Variants in TRPV4 observed in about 807,000 individuals in gnomAD.
TRPV4 encodes the protein transient receptor potential cation channel subfamily V member 4.
In TRPV4, 58 loss-of-function variants were observed where a neutral mutation model predicts 84.1. That is an observed-to-expected ratio of 0.69 (90% CI 0.56 to 0.86). TRPV4 has a LOEUF of 0.86. Ranked by LOEUF, TRPV4 falls within the 40% of genes least tolerant of loss-of-function variation. The probability of loss-of-function intolerance (pLI) is 0.00; values close to 1 mark genes in which losing one functional copy is unlikely to be tolerated. For missense variants in TRPV4, 879 were observed against 1,181.1 expected, an observed-to-expected ratio of 0.74 and a Z score of 3.75; for synonymous variants, 489 against 500.9, an observed-to-expected ratio of 0.98 and a Z score of 0.32.
intron 2 of TRPV4, among the ~76,000 whole-genome samples, chr12:109,810,381 G>T (rs559475682): frequency 7.2e-5 from 11 of 152,342 alleles, no homozygotes; most frequent in South Asian, 6.2e-4. Flanking sequence ...CTAACAAGAG[G>T]CAGCAGGGCC....
At chr12:109,827,835 T>A (rs1244966386) in intron 1 of TRPV4, among the ~76,000 whole-genome samples, 1 of 150,998 alleles carries the variant, frequency 6.6e-6, no homozygotes, top group Non-Finnish European at 1.5e-5. Context: ...TATATACACA[T>A]ATACACATAC....
chr12:109,792,424 G>A lies in TRPV4; in HGVS notation c.1830C>T (p.Leu610=), dbSNP rs1890105850. The change falls in exon 12 of 16, where the codon CTC becomes CTT. Residue 610 remains leucine, a synonymous_variant. Coordinates refer to ENST00000261740, the MANE Select transcript of TRPV4 (RefSeq NM_021625.5). ...GTYSIMIQKI[L]FKDLFRFLLV... ...GCAGGAATCGGAAAAGGTCCTTGAAGAGAATCTAAAGACCCCAGCGGGATT... is the reference window on the plus strand; with the variant it reads ...GCAGGAATCGGAAAAGGTCCTTGAAAAGAATCTAAAGACCCCAGCGGGATT... 1.9e-6 allele frequency: 3 copies of A among 1,613,946 alleles called. No homozygotes were observed. The highest frequency in any genetic ancestry group is 2.5e-6 in the Non-Finnish European group (3 of 1,179,972).
intron 2 of TRPV4, among the ~76,000 whole-genome samples, chr12:109,811,405 C>T (rs546471341): frequency 1.3e-5 from 2 of 152,326 alleles, no homozygotes; most frequent in East Asian, 3.9e-4. Flanking sequence ...CGCCTGTAAT[C>T]CCAGCATTTT....
intron 3 of TRPV4, among the ~76,000 whole-genome samples, chr12:109,806,808 C>G (rs1891165180): frequency 6.9e-6 from 1 of 144,838 alleles, no homozygotes; most frequent in Non-Finnish European, 1.5e-5. Flanking sequence ...CTGCAGGGAG[C>G]TGTGATCACA....
In TRPV4 at chr12:109,792,396, C is replaced by T. The variant is rs121912633; in HGVS notation, c.1858G>A (p.Val620Ile). ...TAGCCGATCATGAAGAGCAAGTAGA[C>T]GAGCAGGAATCGGAAAAGGTCCTTG... ...LFKDLFRFLL[V>I]YLLFMIGYAS... Residue 620 changes from valine (V) to isoleucine (I), a missense_variant, in exon 12 of 16, where the codon GTC becomes ATC. Physicochemically the swap from Val to Ile is conservative, Grantham distance 29 (BLOSUM62 3). This residue lies in a region of TRPV4 where 242 missense variants were observed against 355.3 expected (regional missense o/e 0.68). Transcript: ENST00000261740. The T allele has an allele frequency of 6.2e-7, 1 of 1,613,892 alleles. No individual in the cohort carries two copies. Among genetic ancestry groups the T allele is most frequent in the Non-Finnish European group, 8.5e-7 (1 of 1,180,012 alleles).
chr12:109,786,673 C>T lies in TRPV4; in HGVS notation c.2336+37G>A. On this transcript the variant is annotated intron_variant, in intron 14 of 15. Transcript: ENST00000261740. This position sits in a 1 kb window ranked among gnomAD's most constrained non-coding sequence, Gnocchi z 4.5. ...GGGCCCCGAGCCAGTGGGGACAGTT[C>T]CGCCCTGCCATCCTGGCCCCACTGC... is the stretch of plus-strand genomic sequence containing the variant. The T allele has an allele frequency of 6.2e-7, 1 of 1,612,444 alleles. No homozygotes were observed. The highest frequency in any genetic ancestry group is 1.1e-5 in the South Asian group (1 of 90,952).
At chr12:109,801,041 C>T (rs929485105) in intron 4 of TRPV4, among the ~76,000 whole-genome samples, 1 of 152,236 alleles carries the variant, frequency 6.6e-6, no homozygotes, top group Admixed American at 6.5e-5. Flanking sequence ...GGAGGCCAGG[C>T]GCAGGCTCAC....
chr12:109,808,614 A>ATCC, intron 2 of TRPV4, 146 bp from the exon 3 acceptor site: 2 of 708,528 alleles, frequency 2.8e-6, no homozygotes. Flanking sequence ...GGGCAGATGT[A>ATCC]AAAACTAAGT....
chr12:109,799,075 G>T (rs562428060), intron 5 of TRPV4, among the ~76,000 whole-genome samples, 163 bp from the exon 6 acceptor site: 1 of 152,276 alleles, frequency 6.6e-6, no homozygotes, highest in African/African-American at 2.4e-5. Flanking sequence ...ATGCCAGGGA[G>T]ATGGGGTGTG....
intron 2 of TRPV4, among the ~76,000 whole-genome samples, chr12:109,813,388 G>C (rs1361819722): frequency 1.3e-5 from 2 of 151,998 alleles, no homozygotes; most frequent in African/African-American, 4.8e-5. Context: ...CTCCAGCCTG[G>C]GCAACAGAGC....
chr12:109,785,605 G>T (rs1889637908), intron 14 of TRPV4, among the ~76,000 whole-genome samples: 1 of 151,894 alleles, frequency 6.6e-6, no homozygotes, highest in Admixed American at 6.5e-5. Context: ...TTTTAGTGGA[G>T]ACAGGGTTTC....
chr12:109,783,306 G>A lies in TRPV4; in HGVS notation c.*315C>T. 1 of 312,666 alleles carries A rather than the reference G, an allele frequency of 3.2e-6. No individual in the cohort carries two copies. The highest frequency in any genetic ancestry group is 7.0e-5 in the South Asian group (1 of 14,202). 19.4% of individuals were successfully genotyped at this position (312,666 alleles called of 1,614,324 possible). A position where few individuals can be genotyped will look rare whatever the true frequency, so the allele number is the denominator to read the frequency against. On this transcript the variant is annotated 3_prime_UTR_variant, in exon 16 of 16. Transcript: ENST00000261740. The surrounding 1 kb of genome is among the most constrained non-coding windows in gnomAD (Gnocchi z 4.6). ...TAAGGCCTCTGCCAGGTTCCAGCTG[G>A]GGCAGGGGTCACGTCGCTTCCTGAG... is the stretch of plus-strand genomic sequence containing the variant.
chr12:109,809,869 A>T (rs1210138612), intron 2 of TRPV4, among the ~76,000 whole-genome samples: 2 of 152,250 alleles, frequency 1.3e-5, no homozygotes, highest in Non-Finnish European at 2.9e-5. Flanking sequence ...CAAACATTTG[A>T]GACAAATGAG....
In TRPV4 at chr12:109,792,857, G is replaced by C. The variant is rs1297073285; in HGVS notation, c.1659-40C>G. 3 of 1,609,150 alleles carry C rather than the reference G, an allele frequency of 1.9e-6. No homozygotes were observed. In the East Asian group the frequency reaches 6.7e-5, roughly 36 times the overall value. On this transcript the variant is annotated intron_variant, in intron 10 of 15. Coordinates refer to ENST00000261740, the MANE Select transcript of TRPV4 (RefSeq NM_021625.5). ...AGACCACAAGAGAGGCCAGAGGGGA[G>C]AGGGGACAATGAGGCTCTGGAGGGG...
chr12:109,793,748 A>G lies in TRPV4; in HGVS notation c.1585-148T>C. 1.1e-6 allele frequency: 1 copy of G among 878,224 alleles called. No individual in the cohort carries two copies. Among genetic ancestry groups the G allele is most frequent in the South Asian group, 1.5e-5 (1 of 68,120 alleles). 54.4% of individuals were successfully genotyped at this position (878,224 alleles called of 1,614,324 possible). The stretch of plus-strand genomic sequence containing the variant: ...GACTCTTTCCTGTTAGAAAAGGAGA[A>G]AAAAGCAGAGATGGAGAACGTGGGA... On this transcript the variant is annotated intron_variant, in intron 9 of 15. Coordinates refer to ENST00000261740, the MANE Select transcript of TRPV4 (RefSeq NM_021625.5). This position sits in a 1 kb window ranked among gnomAD's most constrained non-coding sequence, Gnocchi z 4.0.
At chr12:109,820,744 C>T (rs1892068438) in intron 1 of TRPV4, among the ~76,000 whole-genome samples, 1 of 151,890 alleles carries the variant, frequency 6.6e-6, no homozygotes, top group African/African-American at 2.4e-5. Flanking sequence ...AGGATGGTCT[C>T]GATCTCCTGA....
At chr12:109,811,220 G>A (rs116522296) in intron 2 of TRPV4, among the ~76,000 whole-genome samples, 2,140 of 152,204 alleles carry the variant, frequency 0.014, 46 homozygotes, top group African/African-American at 0.049. Flanking sequence ...CAACTCACAT[G>A]GCACATCCAT....
Position 109,808,376 on chromosome 12 carries a change from CG to C in TRPV4, c.478del (p.Arg160GlyfsTer15), listed in dbSNP as rs1064796238. On this transcript the variant is annotated frameshift_variant, in exon 3 of 16. Coordinates refer to ENST00000261740, the MANE Select transcript of TRPV4 (RefSeq NM_021625.5). LOFTEE classifies it high-confidence loss of function. ...NRPILFDIVS[R>X]GSTADLDGLL... ...CCCGTCCAGGTCAGCAGTGGAGCCC[CG>C]GGACACGATGTCAAAGAGGATAGGC... 1 of 1,614,144 alleles carries C rather than the reference CG, an allele frequency of 6.2e-7. No individual in the cohort carries two copies. The highest frequency in any genetic ancestry group is 8.5e-7 in the Non-Finnish European group (1 of 1,180,022).
At chr12:109,807,100 G>A (rs1197182084) in intron 3 of TRPV4, among the ~76,000 whole-genome samples, 6 of 151,650 alleles carry the variant, frequency 4.0e-5, no homozygotes, top group African/African-American at 9.7e-5. Flanking sequence ...AACATGGAGC[G>A]ACCCCGTCTC....
Sources: allele counts gnomAD v4.1 joint callset (sites outside exome capture counted in the v4.1 genomes callset), GRCh38; gene constraint gnomAD v4.1.1; regional missense constraint gnomAD v4.1.1; non-coding constraint Gnocchi (gnomAD v3.1); transcripts MANE v1.5; gene names NCBI Gene and HGNC (gene_info 2026-07-23, HGNC 2026-07-21).